The following S100P variants were observed in gnomAD, a reference collection of about 807,000 sequenced individuals.
The protein encoded by S100P is protein S100-P.
S100P carries 7 observed loss-of-function variants against 4.7 expected under a neutral mutation model. The ratio of observed to expected loss-of-function variants is 1.48; its 90% CI spans 0.84 to 2.77. The LOEUF is 2.77. S100P is among the 30% of genes most tolerant of loss of function. S100P has a pLI of 0.00. For missense variants in S100P, 122 were observed against 120.6 expected (o/e 1.01, Z -0.06); for synonymous variants, 48 against 49.0 (o/e 0.98, Z 0.08).
rs777300507 is a variant in S100P at position 6,696,985 on chromosome 4, C to T, written c.231C>T (p.Phe77=). The T allele has an allele frequency of 6.8e-6, 11 of 1,613,696 alleles. No individual in the cohort carries two copies. The highest frequency in any genetic ancestry group is 4.5e-5 in the East Asian group (2 of 44,876). Residue 77 remains phenylalanine, a synonymous_variant, in exon 2 of 2, where the codon TTC becomes TTT. Coordinates refer to ENST00000296370, the MANE Select transcript of S100P (RefSeq NM_005980.3). ...AQVDFSEFIV[F]VAAITSACHK... Reference sequence around the variant, plus strand: ...TGGACTTCAGTGAGTTCATAGTGTTCGTGGCTGCAATCACGTCTGCCTGTC... The same window carrying T: ...TGGACTTCAGTGAGTTCATAGTGTTTGTGGCTGCAATCACGTCTGCCTGTC...
chr4:6,696,047 GT>G (rs1714365857), intron 1 of S100P, among the ~76,000 whole-genome samples: 1 of 152,228 alleles, frequency 6.6e-6, no homozygotes, highest in Non-Finnish European at 1.5e-5. Flanking sequence ...CATGCACACA[GT>G]TGTGTCTTGG....
intron 1 of S100P, 56 bp from the exon 2 acceptor site, chr4:6,696,837 G>A: frequency 6.5e-7 from 1 of 1,548,910 alleles, no homozygotes; most frequent in Non-Finnish European, 8.8e-7. Context: ...CTTGGTGGAG[G>A]CTGAGGCCCT....
At position 6,696,970 on chromosome 4, in the gene S100P, T is replaced by C; in HGVS notation, c.216T>C (p.Ser72=). The C allele has an allele frequency of 4.3e-6, 7 of 1,613,886 alleles. No homozygotes were observed. The highest frequency in any genetic ancestry group is 5.9e-6 in the Non-Finnish European group (7 of 1,179,732). ...DANGDAQVDF[S]EFIVFVAAIT... ...ATGGAGATGCCCAGGTGGACTTCAGTGAGTTCATAGTGTTCGTGGCTGCAA... is the reference window on the plus strand; with the variant it reads ...ATGGAGATGCCCAGGTGGACTTCAGCGAGTTCATAGTGTTCGTGGCTGCAA... Residue 72 remains serine (S), a synonymous_variant, in exon 2 of 2, where the codon AGT becomes AGC. Coordinates refer to ENST00000296370, the MANE Select transcript of S100P (RefSeq NM_005980.3).
chr4:6,695,185 C>T (rs945422491), intron 1 of S100P, among the ~76,000 whole-genome samples: 1 of 152,078 alleles, frequency 6.6e-6, no homozygotes, highest in Non-Finnish European at 1.5e-5. Context: ...AGGCTGGTCT[C>T]AAACTCCTGT....
chr4:6,696,256 A>G (rs978011246), intron 1 of S100P, among the ~76,000 whole-genome samples: 2 of 152,142 alleles, frequency 1.3e-5, no homozygotes, highest in Non-Finnish European at 2.9e-5. Flanking sequence ...GGCCTTCTCA[A>G]AGAAGACCTG....
Position 6,693,975 on chromosome 4 carries a change from T to C in S100P, c.43T>C (p.Phe15Leu). ...AGCCATGGGCATGATCATAGACGTC[T>C]TTTCCCGATATTCGGGCAGCGAGGG... The part of the protein sequence containing the change: ...ETAMGMIIDV[F>L]SRYSGSEGST... Residue 15 changes from phenylalanine to leucine, a missense_variant, in exon 1 of 2, where the codon TTT (phenylalanine) becomes CTT (leucine). Physicochemically the swap from Phe to Leu is conservative, Grantham distance 22. Transcript: ENST00000296370. The C allele has an allele frequency of 6.2e-7, 1 of 1,613,962 alleles. No homozygotes were observed. The highest frequency in any genetic ancestry group is 8.5e-7 in the Non-Finnish European group (1 of 1,179,906).
intron 1 of S100P, 119 bp downstream of exon 1, chr4:6,694,189 G>T: frequency 2.1e-6 from 2 of 972,130 alleles, no homozygotes; most frequent in South Asian, 3.4e-5. Context: ...AGGCAAGAGG[G>T]ACAGATCCTG....
intron 1 of S100P, 82 bp downstream of exon 1, chr4:6,694,152 G>GA: frequency 7.3e-7 from 1 of 1,376,228 alleles, no homozygotes; most frequent in Non-Finnish European, 9.8e-7. Context: ...TGAGAGCTGC[G>GA]GTGGGGTCGG....
At chr4:6,694,897 A>G (rs1308441539) in intron 1 of S100P, among the ~76,000 whole-genome samples, 1 of 151,938 alleles carries the variant, frequency 6.6e-6, no homozygotes, top group East Asian at 1.9e-4. Context: ...AAAGCCTGAA[A>G]TTTTCAGCCC....
rs751181267 is a variant in S100P, at chr4:6,693,989, G to A, written c.57G>A (p.Ser19=). 2.2e-5 allele frequency: 36 copies of A among 1,613,942 alleles called. No homozygotes were observed. The highest frequency in any genetic ancestry group is 1.6e-4 in the East Asian group (7 of 44,898). Residue 19 remains serine, a synonymous_variant, in exon 1 of 2, where the codon TCG becomes TCA. Coordinates refer to ENST00000296370, the MANE Select transcript of S100P (RefSeq NM_005980.3). ...TCATAGACGTCTTTTCCCGATATTC[G>A]GGCAGCGAGGGCAGCACGCAGACCC... is the stretch of plus-strand genomic sequence containing the variant. ...GMIIDVFSRY[S]GSEGSTQTLT...
intron 1 of S100P, among the ~76,000 whole-genome samples, chr4:6,694,477 G>A (rs1275967632): frequency 6.6e-6 from 1 of 152,202 alleles, no homozygotes; most frequent in African/African-American, 2.4e-5. Context: ...GGCCATAAAC[G>A]CCCCAGCTCT....
rs991472319 is a variant in S100P at position 6,694,043 on chromosome 4, G to C, written c.111G>C (p.Met37Ile). Residue 37 changes from methionine to isoleucine, a missense_variant, in exon 1 of 2, where the codon ATG (methionine) becomes ATC (isoleucine). Transcript: ENST00000296370. ...CCAAGGGGGAGCTCAAGGTGCTGAT[G>C]GAGAAGGAGCTACCAGGCTTCCTGC... ...TLTKGELKVL[M>I]EKELPGFLQS... The C allele has an allele frequency of 1.2e-6, 2 of 1,613,274 alleles. No homozygotes were observed. The highest frequency in any genetic ancestry group is 1.7e-6 in the Non-Finnish European group (2 of 1,179,598).
At chr4:6,694,244 A>C (rs1020107438) in intron 1 of S100P, among the ~76,000 whole-genome samples, 174 bp downstream of exon 1, 9 of 152,200 alleles carry the variant, frequency 5.9e-5, no homozygotes, top group Non-Finnish European at 1.3e-4. Flanking sequence ...ACCCTGGCAT[A>C]AAGGCAGGGG....
chr4:6,693,926 T>C lies in S100P; in HGVS notation c.-7T>C, dbSNP rs368345011. On this transcript the variant is annotated 5_prime_UTR_variant, in exon 1 of 2. Transcript: ENST00000296370. ...CCCAGGAGGAAGGTGGGTCTGAATCTAGCACCATGACGGAACTAGAGACAG... is the reference window on the plus strand; with the variant it reads ...CCCAGGAGGAAGGTGGGTCTGAATCCAGCACCATGACGGAACTAGAGACAG... 48 of 1,614,124 alleles carry C rather than the reference T, an allele frequency of 3.0e-5. No homozygotes were observed. The African/African-American group carries it at 4.8e-4, about 16-fold the overall frequency.
intron 1 of S100P, among the ~76,000 whole-genome samples, chr4:6,696,604 A>T (rs1714377039): frequency 6.6e-6 from 1 of 152,224 alleles, no homozygotes; most frequent in African/African-American, 2.4e-5. Context: ...AAATCCAAAG[A>T]CAACCCCCGG....
chr4:6,696,127 GGGC>G (rs1714367988), intron 1 of S100P, among the ~76,000 whole-genome samples: 1 of 152,216 alleles, frequency 6.6e-6, no homozygotes, highest in Non-Finnish European at 1.5e-5. Flanking sequence ...CTCTGGCCCA[GGGC>G]TGGGTCATCA....
chr4:6,696,789 C>A, intron 1 of S100P, 104 bp from the exon 2 acceptor site: 1 of 666,442 alleles, frequency 1.5e-6, no homozygotes, highest in Non-Finnish European at 2.3e-6. Context: ...GCAAAGGTGA[C>A]GCAGATGTGG....
At position 6,694,023 on chromosome 4, in the gene S100P, G is replaced by A. The variant is rs1318028031; in HGVS notation, c.91G>A (p.Gly31Arg). The A allele has an allele frequency of 1.2e-6, 2 of 1,613,994 alleles. No homozygotes were observed. The highest frequency in any genetic ancestry group is 1.7e-6 in the Non-Finnish European group (2 of 1,179,990). Reference protein sequence around the residue: ...SEGSTQTLTKGELKVLMEKEL... With the variant: ...SEGSTQTLTKRELKVLMEKEL... ...GGGCAGCACGCAGACCCTGACCAAG[G>A]GGGAGCTCAAGGTGCTGATGGAGAA... The change falls in exon 1 of 2, where the codon GGG becomes AGG. Residue 31 changes from glycine (G) to arginine (R), a missense_variant. Physicochemically the swap from Gly to Arg is moderately radical, Grantham distance 125. Transcript: ENST00000296370.
intron 1 of S100P, among the ~76,000 whole-genome samples, chr4:6,695,246 G>T (rs897460996): frequency 6.6e-6 from 1 of 152,148 alleles, no homozygotes; most frequent in Non-Finnish European, 1.5e-5. Context: ...GATTACAGGC[G>T]TGAGCCCCGA....
Sources: gnomAD v4.1 joint callset for allele counts (sites outside exome capture counted in the v4.1 genomes callset) on GRCh38, gnomAD v4.1.1 for gene constraint, MANE v1.5 for transcripts, NCBI Gene and HGNC (gene_info 2026-07-23, HGNC 2026-07-21) for gene names.